The following MYO16 variants were observed in gnomAD, a reference collection of about 807,000 sequenced individuals.
The protein encoded by MYO16 is myosin XVI, also known as unconventional myosin-XVI.
Under a neutral mutation model 205.3 loss-of-function variants are expected in MYO16, and 94 were observed. The observed-to-expected ratio is 0.46, with a 90% confidence interval of 0.39 to 0.54. The LOEUF is 0.54. MYO16 is among the 20% of genes least tolerant of loss of function. MYO16 has a pLI of 0.00. For missense variants in MYO16, 2,315 were observed against 2,387.5 expected (o/e 0.97, Z 0.63); for synonymous variants, 988 against 954.0 (o/e 1.04, Z -0.66).
At chr13:108,822,406 C>T (rs986104119) in intron 8 of MYO16, among the ~76,000 whole-genome samples, 1 of 152,078 alleles carries the variant, frequency 6.6e-6, no homozygotes, top group African/African-American at 2.4e-5. Context: ...CAGTCTGGTC[C>T]TGACGATTGA....
chr13:109,094,829 C>T (rs182377772), intron 27 of MYO16, among the ~76,000 whole-genome samples: 108 of 152,310 alleles, frequency 7.1e-4, no homozygotes, highest in Non-Finnish European at 1.2e-3. Flanking sequence ...GACATGAATT[C>T]ATGCTTTTGT....
At chr13:108,524,001 T>C in the MYO16 span, among the ~76,000 whole-genome samples, 2 of 152,168 alleles carry the variant, frequency 1.3e-5, no homozygotes, top group Admixed American at 1.3e-4. Flanking sequence ...TCTGGTCATT[T>C]ATAAGTGTGT....
upstream of MYO16, among the ~76,000 whole-genome samples, chr13:108,593,523 G>A (rs75626274): frequency 1.3e-5 from 2 of 152,058 alleles, no homozygotes; most frequent in African/African-American, 4.8e-5. Flanking sequence ...GAAGCCCCAC[G>A]GACGAATTGT....
rs200523639 is a variant in MYO16, at chr13:109,014,907, AACAGG to A, written c.2596-4803_2596-4799del. 6.9e-4 allele frequency among the ~76,000 whole-genome samples: 105 copies of A among 152,364 alleles called. 1 individual carries two copies. In the East Asian group the frequency reaches 0.018, roughly 26 times the overall value. ...CAAATATACAATCATGTCATCTGCA[AACAGG>A]GACACTTTGACTTCCTCTTTTCCTA... On this transcript the variant is annotated intron_variant, in intron 22 of 34. Transcript: ENST00000457511.
At chr13:108,860,083 G>T (rs1016711872) in intron 11 of MYO16, among the ~76,000 whole-genome samples, 20 of 151,852 alleles carry the variant, frequency 1.3e-4, no homozygotes, top group Non-Finnish European at 2.6e-4. Context: ...TGTCATAGAG[G>T]TTTGTTGTAC....
chr13:109,057,492 A>T (rs541454948), intron 27 of MYO16, among the ~76,000 whole-genome samples: 1 of 152,242 alleles, frequency 6.6e-6, no homozygotes, highest in Admixed American at 6.5e-5. Flanking sequence ...AGCTGGATAT[A>T]ATACTTCTGG....
chr13:108,652,343 A>G (rs1174615847), intron 1 of MYO16, among the ~76,000 whole-genome samples: 2 of 152,248 alleles, frequency 1.3e-5, no homozygotes, highest in Non-Finnish European at 1.5e-5. Flanking sequence ...TCAGCTATGT[A>G]TATATGTTTT....
At chr13:108,875,201 T>G (rs1430369280) in intron 12 of MYO16, among the ~76,000 whole-genome samples, 2 of 152,154 alleles carry the variant, frequency 1.3e-5, no homozygotes, top group African/African-American at 2.4e-5. Context: ...AGAATCCTCT[T>G]GTTTCAATTG....
intron 1 of MYO16, among the ~76,000 whole-genome samples, chr13:108,652,672 G>C (rs1881064089): frequency 6.6e-6 from 1 of 152,108 alleles, no homozygotes; most frequent in Non-Finnish European, 1.5e-5. Context: ...TTAGTGATCA[G>C]TTTATTTCAC....
chr13:108,718,419 C>T (rs1884032142), intron 3 of MYO16, among the ~76,000 whole-genome samples: 1 of 151,774 alleles, frequency 6.6e-6, no homozygotes, highest in Admixed American at 6.5e-5. Flanking sequence ...CCCCTCTGCA[C>T]AGGAAGGTAT....
chr13:109,202,997 T>C (rs758896877), intron 34 of MYO16, among the ~76,000 whole-genome samples: 1 of 152,142 alleles, frequency 6.6e-6, no homozygotes, highest in Non-Finnish European at 1.5e-5. Context: ...AAGCCACATA[T>C]AGGAGAATGA....
chr13:109,167,250 G>C (rs572898777), intron 33 of MYO16: 7 of 152,334 alleles, frequency 4.6e-5, no homozygotes, highest in Admixed American at 4.6e-4. Flanking sequence ...GTCCGTGAGT[G>C]CCTGGAGGTG....
chr13:109,154,219 C>T (rs1877859131), intron 32 of MYO16, among the ~76,000 whole-genome samples: 1 of 152,204 alleles, frequency 6.6e-6, no homozygotes, highest in South Asian at 2.1e-4. Context: ...TCCACAGGTG[C>T]TGCCACACTC....
chr13:109,031,856 A>T (rs1398944552), intron 23 of MYO16, among the ~76,000 whole-genome samples: 1 of 152,186 alleles, frequency 6.6e-6, no homozygotes, highest in African/African-American at 2.4e-5. Flanking sequence ...CACAGACCCA[A>T]TTCAGTAACT....
intron 6 of MYO16, among the ~76,000 whole-genome samples, chr13:108,801,412 GA>G (rs1188531787): frequency 6.6e-6 from 1 of 152,046 alleles, no homozygotes. Flanking sequence ...ACAGGAACTT[GA>G]AAAAATGCTC....
chr13:108,542,946 G>A, the MYO16 span, among the ~76,000 whole-genome samples: 1 of 151,772 alleles, frequency 6.6e-6, no homozygotes, highest in African/African-American at 2.4e-5. Flanking sequence ...ATGCTACACA[G>A]TTATGGTTTT....
intron 19 of MYO16, among the ~76,000 whole-genome samples, chr13:108,963,207 T>C (rs1051869108): frequency 1.3e-5 from 2 of 152,246 alleles, no homozygotes; most frequent in Non-Finnish European, 1.5e-5. Context: ...TTGTGAGAAC[T>C]CACCATTCAT....
chr13:109,152,188 C>T (rs1326204367), intron 32 of MYO16, among the ~76,000 whole-genome samples: 1 of 152,146 alleles, frequency 6.6e-6, no homozygotes, highest in African/African-American at 2.4e-5. Context: ...TAATAAAGCC[C>T]CCTTAGTAAC....
chr13:108,610,602 G>A (rs1206525930), intron 1 of MYO16, among the ~76,000 whole-genome samples: 1 of 152,166 alleles, frequency 6.6e-6, no homozygotes, highest in Non-Finnish European at 1.5e-5. Context: ...AGCGTGCGAT[G>A]TCGAAGTTAT....
Sources: gnomAD v4.1 joint callset for allele counts (sites outside exome capture counted in the v4.1 genomes callset) on GRCh38, gnomAD v4.1.1 for gene constraint, MANE v1.5 for transcripts, NCBI Gene and HGNC (gene_info 2026-07-23, HGNC 2026-07-21) for gene names.